Variants in ZNF280D observed in about 807,000 individuals in gnomAD.
The protein encoded by ZNF280D is zinc finger protein 280D.
ZNF280D carries 39 observed loss-of-function variants against 94.7 expected under a neutral mutation model. That is an observed-to-expected ratio of 0.41 (90% CI 0.32 to 0.54). The LOEUF (loss-of-function observed/expected upper bound fraction) is 0.54, where lower values mean the gene tolerates loss of function less well. ZNF280D is among the 20% of genes least tolerant of loss of function. The pLI, the probability that ZNF280D is intolerant of heterozygous loss-of-function variation, is 0.22. For synonymous variants in ZNF280D, 398 were observed against 377.6 expected (o/e 1.05, Z -0.63); for missense variants, 1,090 against 1,149.3 (o/e 0.95, Z 0.75).
At chr15:56,680,079 G>C (rs1483833585) in intron 10 of ZNF280D, among the ~76,000 whole-genome samples, 4 of 152,116 alleles carry the variant, frequency 2.6e-5, no homozygotes, top group Non-Finnish European at 5.9e-5. Flanking sequence ...CAATAGAAAT[G>C]AGGGAAACAG....
chr15:56,697,227 C>A lies in ZNF280D; in HGVS notation c.381+3706G>T, dbSNP rs1295710495. On this transcript the variant is annotated intron_variant, in intron 6 of 21. Transcript: ENST00000267807. ...TGAGATGGAGTCTCACTCTGTCACC[C>A]AGGCTGGAGTGCAGTGGCAGGATCT... Among the ~76,000 whole-genome samples, 3 of 152,204 alleles carry A rather than the reference C, an allele frequency of 2.0e-5. No individual in the cohort carries two copies. In the East Asian group the frequency reaches 5.8e-4, roughly 29 times the overall value.
At chr15:56,653,911 A>G in intron 19 of ZNF280D, 1 of 1,270,108 alleles carries the variant, frequency 7.9e-7, no homozygotes. Context: ...CCCATTTGAA[A>G]GCTGAAAAGA....
At chr15:56,642,634 T>C (rs2052684026) in intron 20 of ZNF280D, among the ~76,000 whole-genome samples, 1 of 151,750 alleles carries the variant, frequency 6.6e-6, no homozygotes, top group Non-Finnish European at 1.5e-5. Context: ...ATTTTTCCAG[T>C]GTGCCAAATG....
chr15:56,696,048 T>G (rs1473878481), intron 6 of ZNF280D, among the ~76,000 whole-genome samples: 2 of 152,346 alleles, frequency 1.3e-5, no homozygotes, highest in Non-Finnish European at 2.9e-5. Context: ...ACTTTTCTAT[T>G]GACATGGGTT....
chr15:56,674,980 C>A (rs1311503785), intron 13 of ZNF280D, among the ~76,000 whole-genome samples: 2 of 151,964 alleles, frequency 1.3e-5, no homozygotes, highest in Non-Finnish European at 2.9e-5. Flanking sequence ...AGTTTATAAT[C>A]CCACTCAGCT....
chr15:56,695,321 C>A (rs1247116705), intron 6 of ZNF280D, among the ~76,000 whole-genome samples: 1 of 152,072 alleles, frequency 6.6e-6, no homozygotes, highest in African/African-American at 2.4e-5. Context: ...GATCCACCTG[C>A]CTTGGCCTCC....
chr15:56,709,413 A>G (rs2057618339), intron 1 of ZNF280D, among the ~76,000 whole-genome samples: 3 of 151,770 alleles, frequency 2.0e-5, no homozygotes, highest in South Asian at 4.2e-4. Context: ...TGTTGGTGGG[A>G]CTGTAAACTA....
intron 1 of ZNF280D, among the ~76,000 whole-genome samples, chr15:56,725,734 T>C (rs1033459707): frequency 2.6e-5 from 4 of 151,966 alleles, no homozygotes; most frequent in Non-Finnish European, 5.9e-5. Context: ...ATTACTATGC[T>C]AGCTGGTCAA....
At chr15:56,668,420 A>C (rs2054444183) in intron 14 of ZNF280D, among the ~76,000 whole-genome samples, 1 of 152,116 alleles carries the variant, frequency 6.6e-6, no homozygotes, top group African/African-American at 2.4e-5. Flanking sequence ...ACATCTGAGA[A>C]CTTATGGAAC....
chr15:56,705,764 CTA>C (rs149041184), intron 3 of ZNF280D, among the ~76,000 whole-genome samples: 1,678 of 152,070 alleles, frequency 0.011, 16 homozygotes, highest in Middle Eastern at 0.041. Context: ...TCTCAAACTG[CTA>C]TTTTTTCATG....
chr15:56,700,922 G>A lies in ZNF280D; in HGVS notation c.381+11C>T, dbSNP rs1450224052. The A allele has an allele frequency of 6.2e-7, 1 of 1,613,794 alleles. No individual in the cohort carries two copies. The highest frequency in any genetic ancestry group is 1.1e-5 in the South Asian group (1 of 91,068). On this transcript the variant is annotated intron_variant, in intron 6 of 21. Transcript: ENST00000267807. ...TCCCTGAGCTGGCCGTATAGTTTTA[G>A]AAACACTTACAGGTTTAGAAAAAGG...
At chr15:56,723,756 C>T (rs1258741617) in intron 1 of ZNF280D, among the ~76,000 whole-genome samples, 6 of 152,120 alleles carry the variant, frequency 3.9e-5, no homozygotes. Flanking sequence ...AACCTCACAC[C>T]TAAAGTGAAA....
At chr15:56,717,036 C>G (rs758340241) in intron 1 of ZNF280D, among the ~76,000 whole-genome samples, 27 of 152,078 alleles carry the variant, frequency 1.8e-4, no homozygotes, top group Non-Finnish European at 3.4e-4. Flanking sequence ...GACAAGAGGC[C>G]CAGCTATGAT....
At chr15:56,686,719 C>T (rs2056040032) in intron 9 of ZNF280D, among the ~76,000 whole-genome samples, 1 of 151,954 alleles carries the variant, frequency 6.6e-6, no homozygotes, top group East Asian at 1.9e-4. Flanking sequence ...TATTGAATAC[C>T]CCCTATACTT....
intron 10 of ZNF280D, among the ~76,000 whole-genome samples, chr15:56,680,071 A>G (rs1410166285): frequency 3.9e-5 from 6 of 152,182 alleles, no homozygotes; most frequent in Non-Finnish European, 8.8e-5. Flanking sequence ...TCTCAAACCA[A>G]TAGAAATGAG....
At chr15:56,634,288 A>T (rs201034016) in intron 21 of ZNF280D, 1 of 196 alleles carries the variant, frequency 5.1e-3, no homozygotes, top group Non-Finnish European at 9.8e-3. Context: ...TATGGAAAAA[A>T]TTATTTTTTC....
At position 56,700,808 on chromosome 15, in the gene ZNF280D, T is replaced by C. The variant is rs779906196; in HGVS notation, c.381+125A>G. The C allele has an allele frequency of 1.2e-5, 19 of 1,565,898 alleles. No homozygotes were observed. The South Asian group carries it at 1.9e-4, about 15-fold the overall frequency. The stretch of plus-strand genomic sequence containing the variant: ...GCGAAAATATGGTGACATTTTCTGA[T>C]GCTAACTATGCTTCTACTGGATGAC... On this transcript the variant is annotated intron_variant, in intron 6 of 21. Coordinates refer to ENST00000267807, the MANE Select transcript of ZNF280D (RefSeq NM_017661.4).
At chr15:56,651,082 G>T (rs1207421755) in intron 19 of ZNF280D, among the ~76,000 whole-genome samples, 2 of 152,142 alleles carry the variant, frequency 1.3e-5, no homozygotes, top group African/African-American at 4.8e-5. Flanking sequence ...GCAGAGATTA[G>T]TCTATATTTC....
intron 13 of ZNF280D, among the ~76,000 whole-genome samples, chr15:56,676,125 A>G (rs2140958345): frequency 6.6e-6 from 1 of 152,232 alleles, no homozygotes; most frequent in African/African-American, 2.4e-5. Context: ...TCTCTGCCAG[A>G]GTTCATATAC....
Sources: allele counts gnomAD v4.1 joint callset (sites outside exome capture counted in the v4.1 genomes callset), GRCh38; gene constraint gnomAD v4.1.1; transcripts MANE v1.5; gene names NCBI Gene and HGNC (gene_info 2026-07-23, HGNC 2026-07-21).